Variants in BZW2 observed in about 807,000 individuals in gnomAD.
BZW2 encodes the protein basic leucine zipper and W2 domains 2.
A neutral mutation model predicts 53.2 loss-of-function variants in BZW2; 23 were observed. The ratio of observed to expected loss-of-function variants is 0.43; its 90% confidence interval spans 0.31 to 0.61. The LOEUF (loss-of-function observed/expected upper bound fraction) is 0.61. Ranked by LOEUF, BZW2 falls within the 20% of genes least tolerant of loss-of-function variation. The pLI is 0.09. For missense variants in BZW2, 409 were observed against 503.1 expected, an observed-to-expected ratio of 0.81 and a Z score of 1.79; for synonymous variants, 227 against 186.4, an observed-to-expected ratio of 1.22 and a Z score of -1.77.
Position 16,706,195 on chromosome 7 carries a change from A to C in BZW2, c.*107A>C. 7.9e-7 allele frequency: 1 copy of C among 1,264,464 alleles called. No homozygotes were observed. Among genetic ancestry groups the C allele is most frequent in the Non-Finnish European group, 1.1e-6 (1 of 887,224 alleles). 78.3% of individuals were successfully genotyped at this position (1,264,464 alleles called of 1,614,324 possible). ...GGCTTCTGTTTTCGCAAAGGAAAAA[A>C]AAAATAGGATAGGCTTCCCTTGTGC... On this transcript the variant is annotated 3_prime_UTR_variant, in exon 12 of 12. Transcript: ENST00000258761.
intron 2 of BZW2, among the ~76,000 whole-genome samples, chr7:16,672,173 G>T (rs906975979): frequency 6.6e-6 from 1 of 152,046 alleles, no homozygotes; most frequent in Non-Finnish European, 1.5e-5. Flanking sequence ...TTCAGTCTTT[G>T]TGCTGGGTTC....
chr7:16,697,979 T>C lies in BZW2; in HGVS notation c.970-69T>C, dbSNP rs551552541. On this transcript the variant is annotated intron_variant, in intron 9 of 11. Transcript: ENST00000258761. ...TAAGCAACCCTCCAGGTTACTGTTA[T>C]AGTTCCAGCAGTGTCGGCTCTGTAC... 6.6e-4 allele frequency: 1,042 copies of C among 1,573,618 alleles called. 8 individuals are homozygous for C. The highest frequency in any genetic ancestry group is 1.8e-4 in the Non-Finnish European group (210 of 1,149,420).
intron 7 of BZW2, among the ~76,000 whole-genome samples, chr7:16,691,898 G>A (rs1446813445): frequency 6.6e-6 from 1 of 151,970 alleles, no homozygotes; most frequent in Non-Finnish European, 1.5e-5. Context: ...GTGTGTGTGT[G>A]TGTGTACATA....
At chr7:16,665,987 G>T (rs1027757565) in intron 2 of BZW2, among the ~76,000 whole-genome samples, 1 of 152,262 alleles carries the variant, frequency 6.6e-6, no homozygotes, top group East Asian at 1.9e-4. Flanking sequence ...TTCAATTGTG[G>T]TAAGAGTAGT....
intron 8 of BZW2, chr7:16,696,057 C>T (rs937201418): frequency 6.6e-6 from 1 of 152,074 alleles, no homozygotes; most frequent in Non-Finnish European, 1.5e-5. Flanking sequence ...CTTTTGAAGG[C>T]TGCTCAAGTC....
intron 8 of BZW2, among the ~76,000 whole-genome samples, chr7:16,695,679 G>T (rs1370996964): frequency 6.6e-6 from 1 of 152,028 alleles, no homozygotes; most frequent in Non-Finnish European, 1.5e-5. Flanking sequence ...AATCTTTCAT[G>T]CAACAATTTA....
At chr7:16,654,936 A>G (rs1447390831) in intron 1 of BZW2, among the ~76,000 whole-genome samples, 2 of 152,212 alleles carry the variant, frequency 1.3e-5, no homozygotes, top group Non-Finnish European at 2.9e-5. Flanking sequence ...TATAATATAC[A>G]TGATGAGCTG....
chr7:16,688,101 A>G (rs978996397), intron 6 of BZW2, among the ~76,000 whole-genome samples: 3 of 152,140 alleles, frequency 2.0e-5, no homozygotes, highest in Non-Finnish European at 4.4e-5. Flanking sequence ...GTCTATATGA[A>G]TGATAGACCA....
intron 1 of BZW2, among the ~76,000 whole-genome samples, chr7:16,650,634 T>C (rs1023489556): frequency 2.6e-5 from 4 of 152,230 alleles, no homozygotes; most frequent in African/African-American, 9.6e-5. Context: ...AAATGTCCTT[T>C]ATAACATGTC....
chr7:16,671,398 T>C (rs1782594738), intron 2 of BZW2, among the ~76,000 whole-genome samples: 1 of 152,240 alleles, frequency 6.6e-6, no homozygotes, highest in Admixed American at 6.5e-5. Flanking sequence ...GGCCTTAGTT[T>C]TCTGTGCCTT....
intron 3 of BZW2, among the ~76,000 whole-genome samples, chr7:16,675,949 C>T (rs1305474672): frequency 1.3e-5 from 2 of 152,080 alleles, no homozygotes; most frequent in South Asian, 2.1e-4. Context: ...GATGTGGTGG[C>T]GGCTGCCTGT....
chr7:16,676,303 C>G (rs896666841), intron 3 of BZW2, among the ~76,000 whole-genome samples: 2 of 152,144 alleles, frequency 1.3e-5, no homozygotes, highest in Non-Finnish European at 2.9e-5. Context: ...AATCCCAGCA[C>G]TTTGGGAAGC....
intron 3 of BZW2, among the ~76,000 whole-genome samples, chr7:16,678,197 C>G (rs938509600): frequency 1.4e-5 from 2 of 147,476 alleles, no homozygotes; most frequent in African/African-American, 2.5e-5. Context: ...GCCGGGATTA[C>G]AGGCGTGTGC....
chr7:16,662,653 G>A (rs1406901664), intron 1 of BZW2, among the ~76,000 whole-genome samples: 1 of 152,102 alleles, frequency 6.6e-6, no homozygotes, highest in Non-Finnish European at 1.5e-5. Context: ...ACAGTGGTGT[G>A]CGCCTGTAAT....
chr7:16,681,307 G>C lies in BZW2; in HGVS notation c.242G>C (p.Gly81Ala). 1 of 1,613,252 alleles carries C rather than the reference G, an allele frequency of 6.2e-7. No individual in the cohort carries two copies. The highest frequency in any genetic ancestry group is 8.5e-7 in the Non-Finnish European group (1 of 1,179,582). The change falls in exon 4 of 12, where the codon GGA becomes GCA. Residue 81 changes from glycine (G) to alanine (A), a missense_variant. Physicochemically the swap from Gly to Ala is moderately conservative, Grantham distance 60 (BLOSUM62 0). Around this residue, in one of 3 missense-constraint regions of BZW2, gnomAD observed 316 missense variants for 366.8 expected, o/e 0.86. Coordinates refer to ENST00000258761, the MANE Select transcript of BZW2 (RefSeq NM_014038.3). ...ILVAGSMLAPGGTRIDDGDKT... is the reference protein window; with the variant it reads ...ILVAGSMLAPAGTRIDDGDKT... ...ATTACCTTTCTCTTTTTAGCCCCTG[G>C]AGGAACGCGCATAGATGATGGTGAC...
At chr7:16,690,564 CACTT>C (rs779038326) in intron 7 of BZW2, among the ~76,000 whole-genome samples, 3 of 152,296 alleles carry the variant, frequency 2.0e-5, no homozygotes, top group East Asian at 1.9e-4. Flanking sequence ...TCATCAATCT[CACTT>C]AATCAAATAC....
intron 1 of BZW2, among the ~76,000 whole-genome samples, chr7:16,657,328 T>C (rs541260193): frequency 3.3e-5 from 5 of 152,344 alleles, no homozygotes; most frequent in African/African-American, 4.8e-5. Context: ...ATCATGTATA[T>C]AGAATATTGC....
In BZW2 at chr7:16,674,452, A is replaced by C; in HGVS notation, c.99A>C (p.Thr33=). 2 of 1,611,548 alleles carry C rather than the reference A, an allele frequency of 1.2e-6. No homozygotes were observed. Among genetic ancestry groups the C allele is most frequent in the Non-Finnish European group, 1.7e-6 (2 of 1,178,574 alleles). The change falls in exon 3 of 12, where the codon ACA becomes ACC. Residue 33 remains threonine, a synonymous_variant. Transcript: ENST00000258761. The stretch of plus-strand genomic sequence containing the variant: ...TCGAACCCACAGTCTTCAGGGATAC[A>C]CTTGTCCAGGGGCTTAATGAGGCTG... ...EKFEPTVFRD[T]LVQGLNEAGD... is the part of the protein sequence containing the mutation.
chr7:16,669,113 C>G (rs1782523433), intron 2 of BZW2, among the ~76,000 whole-genome samples: 1 of 152,142 alleles, frequency 6.6e-6, no homozygotes, highest in Non-Finnish European at 1.5e-5. Context: ...GAGACTTTAG[C>G]TCTGTAAATA....
Sources: allele counts gnomAD v4.1 joint callset (sites outside exome capture counted in the v4.1 genomes callset), GRCh38; gene constraint gnomAD v4.1.1; regional missense constraint gnomAD v4.1.1; transcripts MANE v1.5; gene names NCBI Gene and HGNC (gene_info 2026-07-23, HGNC 2026-07-21).